Variants in TSHZ2 observed in about 807,000 individuals in gnomAD.
TSHZ2 encodes teashirt homolog 2.
In TSHZ2, 21 loss-of-function variants were observed where a neutral mutation model predicts 74.4. That is an observed-to-expected ratio of 0.28 (90% confidence interval 0.20 to 0.41). The LOEUF (loss-of-function observed/expected upper bound fraction) is 0.41. Among genes scored for constraint, TSHZ2 ranks in the 10% least tolerant of loss-of-function variants. The pLI is 1.00. For synonymous variants in TSHZ2, 540 were observed against 515.3 expected, an observed-to-expected ratio of 1.05 and a Z score of -0.65; for missense variants, 1,244 against 1,293.5, an observed-to-expected ratio of 0.96 and a Z score of 0.59.
chr20:53,117,858 G>C (rs190180656), intron 1 of TSHZ2, among the ~76,000 whole-genome samples: 6 of 152,292 alleles, frequency 3.9e-5, no homozygotes, highest in African/African-American at 1.2e-4. Context: ...GTTTCTCACT[G>C]CTTAATCCAA....
intron 1 of TSHZ2, among the ~76,000 whole-genome samples, chr20:53,224,894 A>G (rs913007364): frequency 6.6e-5 from 10 of 152,084 alleles, no homozygotes; most frequent in African/African-American, 2.4e-4. Context: ...GGTTGTTATC[A>G]TTGGGTTATG....
At chr20:53,413,345 G>A (rs1983119953) in intron 2 of TSHZ2, among the ~76,000 whole-genome samples, 1 of 152,236 alleles carries the variant, frequency 6.6e-6, no homozygotes, top group African/African-American at 2.4e-5. Flanking sequence ...AAAGTCCCCA[G>A]ACAAAGGATG....
chr20:53,201,966 C>T (rs983999594), intron 1 of TSHZ2, among the ~76,000 whole-genome samples: 1 of 152,188 alleles, frequency 6.6e-6, no homozygotes, highest in African/African-American at 2.4e-5. Flanking sequence ...AGTTGTATTC[C>T]AAAGGCAGTA....
intron 1 of TSHZ2, among the ~76,000 whole-genome samples, chr20:53,024,052 A>G (rs1326261313): frequency 2.0e-5 from 3 of 151,978 alleles, no homozygotes; most frequent in Non-Finnish European, 4.4e-5. Flanking sequence ...TTTTTCCCCT[A>G]TTGAAGTAGT....
chr20:53,140,696 A>T (rs1433889962), intron 1 of TSHZ2, among the ~76,000 whole-genome samples: 1 of 152,100 alleles, frequency 6.6e-6, no homozygotes, highest in Admixed American at 6.5e-5. Context: ...TTATCTCATG[A>T]CCCAAACAAG....
intron 2 of TSHZ2, among the ~76,000 whole-genome samples, chr20:53,308,879 G>C (rs577284519): frequency 3.7e-4 from 57 of 152,302 alleles, no homozygotes; most frequent in African/African-American, 1.4e-3. Flanking sequence ...CACCTGGGAG[G>C]GCTTCATGGT....
chr20:53,149,855 G>A (rs1987634497), intron 1 of TSHZ2, among the ~76,000 whole-genome samples: 1 of 152,164 alleles, frequency 6.6e-6, no homozygotes, highest in Admixed American at 6.5e-5. Context: ...AGCACGCTCG[G>A]AAAATGCCCA....
chr20:53,432,908 G>A (rs1568914731), intron 2 of TSHZ2, among the ~76,000 whole-genome samples: 2 of 152,286 alleles, frequency 1.3e-5, no homozygotes, highest in African/African-American at 2.4e-5. Context: ...CAATGGCATT[G>A]AGTCAATGGA....
chr20:53,302,545 AC>A (rs1357091358), intron 2 of TSHZ2, among the ~76,000 whole-genome samples: 6 of 152,168 alleles, frequency 3.9e-5, no homozygotes, highest in Non-Finnish European at 7.3e-5. Flanking sequence ...TGTCTTTCTA[AC>A]CGTGTGTGGG....
At chr20:53,224,092 T>C (rs1989628141) in intron 1 of TSHZ2, among the ~76,000 whole-genome samples, 1 of 152,150 alleles carries the variant, frequency 6.6e-6, no homozygotes, top group Non-Finnish European at 1.5e-5. Context: ...TTCTTATAGC[T>C]GCGTATGAAT....
At chr20:53,179,183 A>G (rs957371458) in intron 1 of TSHZ2, 1 of 152,116 alleles carries the variant, frequency 6.6e-6, no homozygotes, top group African/African-American at 2.4e-5. Context: ...TCCTTCCTCA[A>G]AAGGGATTTC....
chr20:53,348,779 T>G (rs531359936), intron 2 of TSHZ2, among the ~76,000 whole-genome samples: 1 of 152,334 alleles, frequency 6.6e-6, no homozygotes, highest in African/African-American at 2.4e-5. Flanking sequence ...AAGCAGATAC[T>G]TAAGCTATCC....
intron 1 of TSHZ2, among the ~76,000 whole-genome samples, chr20:53,161,892 C>T (rs924232011): frequency 1.6e-4 from 24 of 152,186 alleles, no homozygotes; most frequent in African/African-American, 5.8e-4. Flanking sequence ...ATCTCAGGCA[C>T]TGTATATCCA....
chr20:53,417,705 A>G (rs1045031668), intron 2 of TSHZ2, among the ~76,000 whole-genome samples: 2 of 152,128 alleles, frequency 1.3e-5, no homozygotes, highest in Non-Finnish European at 2.9e-5. Flanking sequence ...CTGATGTCTA[A>G]CCTAATTCCT....
At chr20:53,020,691 C>T (rs923855560) in intron 1 of TSHZ2, among the ~76,000 whole-genome samples, 1 of 152,178 alleles carries the variant, frequency 6.6e-6, no homozygotes, top group Non-Finnish European at 1.5e-5. Context: ...GGGTGCACAC[C>T]CACTGTGAAA....
chr20:52,991,426 C>G (rs985418670), intron 1 of TSHZ2, among the ~76,000 whole-genome samples: 1 of 140,322 alleles, frequency 7.1e-6, no homozygotes. Context: ...AGTGTGAAAG[C>G]TTTTCTGATG....
chr20:53,122,982 G>T (rs935429151), intron 1 of TSHZ2, among the ~76,000 whole-genome samples: 1 of 152,054 alleles, frequency 6.6e-6, no homozygotes, highest in East Asian at 1.9e-4. Context: ...GGGTATTTCC[G>T]CTTTCTACTC....
rs746096315 is a variant in TSHZ2 at position 53,255,412 on chromosome 20, AAGG to A, written c.1963_1965del (p.Glu655del). 42 of 1,613,414 alleles carry A rather than the reference AAGG, an allele frequency of 2.6e-5. No homozygotes were observed. The highest frequency in any genetic ancestry group is 3.4e-5 in the Non-Finnish European group (40 of 1,180,022). On this transcript the variant is annotated inframe_deletion, in exon 2 of 3. Transcript: ENST00000371497. The surrounding 1 kb of genome is among the most constrained non-coding windows in gnomAD (Gnocchi z 4.1). ...CAAAAAGACCGAGCTGGGTCCCCTG[AAGG>A]AGGAGGAGAAGCTGATGAAAGAGGG...
chr20:53,122,417 A>C (rs1231262065), intron 1 of TSHZ2, among the ~76,000 whole-genome samples: 1 of 152,092 alleles, frequency 6.6e-6, no homozygotes, highest in Non-Finnish European at 1.5e-5. Context: ...GGACAAAAAA[A>C]CGAAAGATCT....
Sources: allele counts gnomAD v4.1 joint callset (sites outside exome capture counted in the v4.1 genomes callset), GRCh38; gene constraint gnomAD v4.1.1; non-coding constraint Gnocchi (gnomAD v3.1); transcripts MANE v1.5; gene names NCBI Gene and HGNC (gene_info 2026-07-23, HGNC 2026-07-21).